Variants in CREBBP observed in about 807,000 individuals in gnomAD.
The protein encoded by CREBBP is CREB binding lysine acetyltransferase.
CREBBP carries 19 observed loss-of-function variants against 265.0 expected under a neutral mutation model. The observed-to-expected ratio is 0.07, with a 90% CI of 0.05 to 0.11. CREBBP has a LOEUF of 0.11. Ranked by LOEUF, CREBBP falls within the 10% of genes least tolerant of loss-of-function variation. The pLI, the probability that CREBBP is intolerant of heterozygous loss-of-function variation, is 1.00. For synonymous variants in CREBBP, 1,457 were observed against 1,223.7 expected, an observed-to-expected ratio of 1.19 and a Z score of -3.98; for missense variants, 2,525 against 3,219.0, an observed-to-expected ratio of 0.78 and a Z score of 5.22.
chr16:3,825,986 C>T (rs1213890013), intron 2 of CREBBP, among the ~76,000 whole-genome samples: 1 of 152,216 alleles, frequency 6.6e-6, no homozygotes, highest in African/African-American at 2.4e-5. Flanking sequence ...CTTTGGGAGC[C>T]TGAGGCAGGT....
intron 3 of CREBBP, among the ~76,000 whole-genome samples, chr16:3,794,373 C>T (rs2053567016): frequency 7.9e-6 from 1 of 127,224 alleles, no homozygotes; most frequent in Non-Finnish European, 1.7e-5. Flanking sequence ...AAAGATTTGC[C>T]AAGGCCTGAC....
chr16:3,749,458 TTTTG>T (rs2052423942), intron 21 of CREBBP, among the ~76,000 whole-genome samples, 165 bp downstream of exon 21: 1 of 152,196 alleles, frequency 6.6e-6, no homozygotes, highest in Non-Finnish European at 1.5e-5. Context: ...GACATACATA[TTTTG>T]TTTAAGTTTA....
chr16:3,819,981 A>G (rs375035224), intron 2 of CREBBP, among the ~76,000 whole-genome samples: 1 of 152,236 alleles, frequency 6.6e-6, no homozygotes, highest in East Asian at 1.9e-4. Context: ...GAGTTTTTTT[A>G]GCATCTTTCT....
chr16:3,731,992 C>T lies in CREBBP; in HGVS notation c.4729-55G>A, dbSNP rs562327601. On this transcript the variant is annotated intron_variant, in intron 28 of 30. Coordinates refer to ENST00000262367, the MANE Select transcript of CREBBP (RefSeq NM_004380.3). The surrounding 1 kb of genome is among the most constrained non-coding windows in gnomAD (Gnocchi z 7.7). ...GGCAAGTGCCCCTCCACACTTGGCACGGACGCCCAGCTCCCAGGCCGTGGG... is the reference window on the plus strand; with the variant it reads ...GGCAAGTGCCCCTCCACACTTGGCATGGACGCCCAGCTCCCAGGCCGTGGG... The T allele has an allele frequency of 2.8e-4, 455 of 1,613,298 alleles. No individual in the cohort carries two copies. The highest frequency in any genetic ancestry group is 4.5e-4 in the African/African-American group (34 of 75,050).
At chr16:3,807,392 A>G (rs769735799) in intron 3 of CREBBP, among the ~76,000 whole-genome samples, 2 of 152,218 alleles carry the variant, frequency 1.3e-5, no homozygotes, top group Non-Finnish European at 2.9e-5. Context: ...AAAGCATGAC[A>G]ATAAATGCAA....
At chr16:3,865,347 C>T (rs949897698) in intron 1 of CREBBP, among the ~76,000 whole-genome samples, 2 of 152,104 alleles carry the variant, frequency 1.3e-5, no homozygotes, top group Non-Finnish European at 2.9e-5. Flanking sequence ...AGGATTAAAG[C>T]AATTATGGCA....
At chr16:3,851,107 A>ACGAACAC in intron 1 of CREBBP, 98 bp from the exon 2 acceptor site, 3 of 981,690 alleles carry the variant, frequency 3.1e-6, no homozygotes, top group Non-Finnish European at 3.2e-6. Context: ...GGCATTCAGC[A>ACGAACAC]CGAACACTAG....
chr16:3,731,988 G>C lies in CREBBP; in HGVS notation c.4729-51C>G, dbSNP rs760292807. 7.5e-5 allele frequency: 121 copies of C among 1,613,464 alleles called. No individual in the cohort carries two copies. Among genetic ancestry groups the C allele is most frequent in the Middle Eastern group, 3.4e-4 (2 of 5,862 alleles). The stretch of plus-strand genomic sequence containing the variant: ...ACCAGGCAAGTGCCCCTCCACACTT[G>C]GCACGGACGCCCAGCTCCCAGGCCG... On this transcript the variant is annotated intron_variant, in intron 28 of 30. Coordinates refer to ENST00000262367, the MANE Select transcript of CREBBP (RefSeq NM_004380.3). The surrounding 1 kb of genome is among the most constrained non-coding windows in gnomAD (Gnocchi z 7.7).
chr16:3,758,477 C>T (rs1438658132), intron 17 of CREBBP, among the ~76,000 whole-genome samples: 1 of 152,140 alleles, frequency 6.6e-6, no homozygotes, highest in Non-Finnish European at 1.5e-5. Flanking sequence ...TACATAGAAT[C>T]GGCTGGGTCC....
At chr16:3,860,144 A>C (rs895540471) in intron 1 of CREBBP, among the ~76,000 whole-genome samples, 8 of 152,130 alleles carry the variant, frequency 5.3e-5, no homozygotes, top group African/African-American at 1.9e-4. Context: ...GGGCATCTCC[A>C]CAAATCTGGT....
In CREBBP at chr16:3,729,575, G is replaced by A. The variant is rs532634685; in HGVS notation, c.5472C>T (p.Ala1824=). ...GGCPVCKQLI[A]LCCYHAKHCQ... ...AGTGCTTGGCGTGGTAGCAGCAGAG[G>A]GCGATGAGCTGCTTGCACACCGGGC... is the stretch of plus-strand genomic sequence containing the variant. The change falls in exon 31 of 31, where the codon GCC becomes GCT. Residue 1824 remains alanine, a synonymous_variant. Transcript: ENST00000262367. 6.2e-7 allele frequency: 1 copy of A among 1,614,186 alleles called. No homozygotes were observed.
At chr16:3,863,843 G>C (rs1485858800) in intron 1 of CREBBP, among the ~76,000 whole-genome samples, 1 of 152,182 alleles carries the variant, frequency 6.6e-6, no homozygotes, top group Non-Finnish European at 1.5e-5. Flanking sequence ...GCCTGTCATA[G>C]CAGCCAGCTG....
chr16:3,784,402 G>A (rs1268267266), intron 5 of CREBBP: 1 of 152,074 alleles, frequency 6.6e-6, no homozygotes, highest in Non-Finnish European at 1.5e-5. Context: ...AACTCCCAAG[G>A]TGCACTTTAT....
intron 26 of CREBBP, among the ~76,000 whole-genome samples, chr16:3,738,133 C>G (rs2052115306): frequency 6.6e-6 from 1 of 151,884 alleles, no homozygotes; most frequent in Non-Finnish European, 1.5e-5. Flanking sequence ...GTTGGTCAGG[C>G]TGGTCTTGAA....
Position 3,880,223 on chromosome 16 carries a change from C to A in CREBBP, c.-307G>T, listed in dbSNP as rs1185456483. 2 of 138,424 alleles carry A rather than the reference C, an allele frequency of 1.4e-5. No individual in the cohort carries two copies. Among genetic ancestry groups the A allele is most frequent in the African/African-American group, 5.3e-5 (2 of 38,092 alleles). The allele number at this position is 138,424 out of a possible 1,614,324, so 8.6% of individuals were successfully genotyped here. A position where few individuals can be genotyped will look rare whatever the true frequency, so the allele number is the denominator to read the frequency against. The stretch of plus-strand genomic sequence containing the variant: ...ACACTCCGCGGTGGGGGCGCCCCGG[C>A]GGCCCGGCCGCCCCCCCGGGCCCGG... On this transcript the variant is annotated 5_prime_UTR_variant, in exon 1 of 31. Coordinates refer to ENST00000262367, the MANE Select transcript of CREBBP (RefSeq NM_004380.3).
chr16:3,857,301 T>C (rs2054984089), intron 1 of CREBBP, among the ~76,000 whole-genome samples: 1 of 152,042 alleles, frequency 6.6e-6, no homozygotes, highest in South Asian at 2.1e-4. Context: ...GCTGTTTGGG[T>C]GAAGGCAGAG....
At chr16:3,834,598 G>A (rs1230659605) in intron 2 of CREBBP, among the ~76,000 whole-genome samples, 2 of 152,140 alleles carry the variant, frequency 1.3e-5, no homozygotes, top group Non-Finnish European at 2.9e-5. Context: ...ACACTACAAT[G>A]ATGCACATCA....
In CREBBP at chr16:3,728,438, TTGCTGC is replaced by T. The variant is rs746121736; in HGVS notation, c.6603_6608del (p.Gln2215_Gln2216del). On this transcript the variant is annotated inframe_deletion, in exon 31 of 31. Coordinates refer to ENST00000262367, the MANE Select transcript of CREBBP (RefSeq NM_004380.3). This position sits in a 1 kb window ranked among gnomAD's most constrained non-coding sequence, Gnocchi z 8.7. ...GTTGCTGCTGTTGTTGCTGCTGCTG[TTGCTGC>T]TGCTGCTGCAGCAGCTGCCTCCGTA... 2.6e-5 allele frequency: 42 copies of T among 1,612,632 alleles called. No individual in the cohort carries two copies. Among genetic ancestry groups the T allele is most frequent in the Admixed American group, 1.0e-4 (6 of 60,004 alleles).
At chr16:3,854,979 TAAC>T (rs545079307) in intron 1 of CREBBP, among the ~76,000 whole-genome samples, 7 of 152,204 alleles carry the variant, frequency 4.6e-5, no homozygotes, top group Non-Finnish European at 8.8e-5. Context: ...ACGTATCTCC[TAAC>T]AACATCCTCT....
Sources: gnomAD v4.1 joint callset for allele counts (sites outside exome capture counted in the v4.1 genomes callset) on GRCh38, gnomAD v4.1.1 for gene constraint, Gnocchi (gnomAD v3.1) non-coding constraint, MANE v1.5 for transcripts, NCBI Gene and HGNC (gene_info 2026-07-23, HGNC 2026-07-21) for gene names.